The following DOCK3 variants were observed in gnomAD, a reference collection of about 807,000 sequenced individuals.
DOCK3 encodes dedicator of cytokinesis 3, also known as dedicator of cytokinesis protein 3.
A neutral mutation model predicts 265.6 loss-of-function variants in DOCK3; 60 were observed. The ratio of observed to expected loss-of-function variants is 0.23; its 90% CI spans 0.18 to 0.28. The LOEUF (loss-of-function observed/expected upper bound fraction) is 0.28. Ranked by LOEUF, DOCK3 falls within the 10% of genes least tolerant of loss-of-function variation. The pLI, the probability that DOCK3 is intolerant of heterozygous loss-of-function variation, is 1.00. For missense variants in DOCK3, 1,981 were observed against 2,594.3 expected, an observed-to-expected ratio of 0.76 and a Z score of 5.14; for synonymous variants, 881 against 938.0, an observed-to-expected ratio of 0.94 and a Z score of 1.11.
chr3:51,356,039 C>G (rs763271695), intron 41 of DOCK3, 50 bp from the exon 42 acceptor site: 1 of 1,611,258 alleles, frequency 6.2e-7, no homozygotes, highest in South Asian at 1.1e-5. Flanking sequence ...GGGTCAGCCT[C>G]TCAGGCCCAG....
chr3:51,081,674 T>C (rs929857658), intron 7 of DOCK3, among the ~76,000 whole-genome samples: 3 of 151,974 alleles, frequency 2.0e-5, no homozygotes, highest in African/African-American at 7.2e-5. Context: ...GGCAGACAGA[T>C]CACGAGGTCA....
chr3:50,859,955 G>A (rs11921930), intron 3 of DOCK3, among the ~76,000 whole-genome samples: 23,990 of 152,122 alleles, frequency 0.16, 2,284 homozygotes, highest in South Asian at 0.33. Context: ...GCTCTGTGCC[G>A]AGTGTTTATG....
chr3:50,909,164 T>A (rs2049719071), intron 4 of DOCK3, among the ~76,000 whole-genome samples: 1 of 152,096 alleles, frequency 6.6e-6, no homozygotes, highest in Non-Finnish European at 1.5e-5. Context: ...TAACTTTTTA[T>A]CCATCTTGCC....
intron 4 of DOCK3, among the ~76,000 whole-genome samples, chr3:50,922,892 T>G (rs976494281): frequency 4.6e-5 from 7 of 152,028 alleles, no homozygotes; most frequent in African/African-American, 1.4e-4. Context: ...CTGCACCCAA[T>G]TTGTTGTGTT....
At chr3:51,354,520 C>T (rs2086231463) in intron 40 of DOCK3, among the ~76,000 whole-genome samples, 1 of 152,174 alleles carries the variant, frequency 6.6e-6, no homozygotes. Context: ...CATAGATTGC[C>T]CTTCTCCACT....
intron 5 of DOCK3, among the ~76,000 whole-genome samples, chr3:50,948,137 A>G (rs1334536556): frequency 1.3e-5 from 2 of 149,092 alleles, no homozygotes; most frequent in Non-Finnish European, 3.0e-5. Context: ...GCTCACTGCA[A>G]GCTCCACCTC....
At chr3:51,230,528 G>GT (rs1357537079) in intron 19 of DOCK3, among the ~76,000 whole-genome samples, 1 of 151,544 alleles carries the variant, frequency 6.6e-6, no homozygotes. Context: ...GTTTTGTTTT[G>GT]TTTTTTTGAG....
At chr3:51,072,434 G>A (rs979968907) in intron 6 of DOCK3, among the ~76,000 whole-genome samples, 4 of 151,882 alleles carry the variant, frequency 2.6e-5, no homozygotes, top group African/African-American at 9.7e-5. Context: ...TTGAGATGGG[G>A]TCTTGCTCTG....
chr3:51,160,800 C>T, intron 12 of DOCK3, 98 bp downstream of exon 12: 1 of 1,419,828 alleles, frequency 7.0e-7, no homozygotes, highest in African/African-American at 1.4e-5. Flanking sequence ...GGACACAGGC[C>T]ACGCAGTGGC....
At chr3:51,317,140 G>A (rs7648012) in intron 32 of DOCK3, among the ~76,000 whole-genome samples, 113,307 of 151,684 alleles carry the variant, frequency 0.75, 43,278 homozygotes, top group Middle Eastern at 0.86. Context: ...TCTGTATAAG[G>A]TATGAAGGAT....
chr3:51,381,469 A>G lies in DOCK3; in HGVS notation c.6003A>G (p.Arg2001=). 6.3e-7 allele frequency: 1 copy of G among 1,596,368 alleles called. No individual in the cohort carries two copies. Among genetic ancestry groups the G allele is most frequent in the Non-Finnish European group, 8.5e-7 (1 of 1,172,168 alleles). ...TGCGTGAAGAGACTGAGAGGCCTCG[A>G]GGCCTGCACCGCAAGGCTCCATTGC... The part of the protein sequence containing the change: ...VLLREETERP[R]GLHRKAPLPP... Residue 2001 remains arginine, a synonymous_variant, in exon 53 of 53, where the codon CGA becomes CGG. Transcript: ENST00000266037. The surrounding 1 kb of genome is among the most constrained non-coding windows in gnomAD (Gnocchi z 5.6).
At chr3:50,733,790 T>TG (rs1301680743) in intron 1 of DOCK3, among the ~76,000 whole-genome samples, 3 of 151,840 alleles carry the variant, frequency 2.0e-5, no homozygotes, top group African/African-American at 7.3e-5. Context: ...GTTGTTCTAT[T>TG]TTTTTTTCTC....
chr3:51,260,266 G>T lies in DOCK3; in HGVS notation c.2295G>T (p.Gln765His). The T allele has an allele frequency of 6.2e-7, 1 of 1,613,908 alleles. No individual in the cohort carries two copies. Among genetic ancestry groups the T allele is most frequent in the Non-Finnish European group, 8.5e-7 (1 of 1,179,878 alleles). The change falls in exon 23 of 53, where the codon CAG becomes CAT. Residue 765 changes from glutamine to histidine, a missense_variant. By Grantham distance (24) the Gln-to-His change is conservative. Around this residue, in one of 4 missense-constraint regions of DOCK3, gnomAD observed 1,357 missense variants for 1,866.8 expected, o/e 0.73. Coordinates refer to ENST00000266037, the MANE Select transcript of DOCK3 (RefSeq NM_004947.5). ...QFRSSIQELF[Q>H]SIRFVLSLDS... Reference sequence around the variant, plus strand: ...GATCCAGTATCCAAGAACTTTTCCAGTCCATCCGGTTTGTGCTCAGTCTGG... The same window carrying T: ...GATCCAGTATCCAAGAACTTTTCCATTCCATCCGGTTTGTGCTCAGTCTGG...
At chr3:50,801,626 A>C (rs2043073436) in intron 2 of DOCK3, among the ~76,000 whole-genome samples, 1 of 152,230 alleles carries the variant, frequency 6.6e-6, no homozygotes, top group African/African-American at 2.4e-5. Flanking sequence ...ACATATAGTT[A>C]ATCCTGGAGA....
At chr3:51,200,536 C>G (rs1045203695) in intron 12 of DOCK3, among the ~76,000 whole-genome samples, 3 of 150,412 alleles carry the variant, frequency 2.0e-5, no homozygotes, top group Admixed American at 6.6e-5. Flanking sequence ...AAGACCAAAT[C>G]TACGTCTGAT....
intron 25 of DOCK3, among the ~76,000 whole-genome samples, chr3:51,277,130 G>A (rs146889134): frequency 8.5e-5 from 13 of 152,292 alleles, no homozygotes; most frequent in South Asian, 2.1e-4. Flanking sequence ...AGAAAACAGC[G>A]TGCTTAGAAA....
chr3:51,307,214 C>G (rs983872152), intron 27 of DOCK3, among the ~76,000 whole-genome samples: 3 of 152,108 alleles, frequency 2.0e-5, no homozygotes, highest in African/African-American at 7.2e-5. Flanking sequence ...TGCCTGGACT[C>G]AAGAAATCCT....
chr3:50,811,343 G>A (rs969834970), intron 2 of DOCK3, among the ~76,000 whole-genome samples: 3 of 152,120 alleles, frequency 2.0e-5, no homozygotes, highest in Admixed American at 6.5e-5. Context: ...GGTCAGGGCT[G>A]CAGTGAGCTA....
intron 5 of DOCK3, among the ~76,000 whole-genome samples, chr3:51,060,423 C>T (rs1399248213): frequency 1.3e-5 from 2 of 152,162 alleles, no homozygotes; most frequent in African/African-American, 2.4e-5. Context: ...TCAATTTTGG[C>T]TTCTGTTGCC....
Sources: gnomAD v4.1 joint callset for allele counts (sites outside exome capture counted in the v4.1 genomes callset) on GRCh38, gnomAD v4.1.1 for gene constraint, gnomAD v4.1.1 regional missense constraint, Gnocchi (gnomAD v3.1) non-coding constraint, MANE v1.5 for transcripts, NCBI Gene and HGNC (gene_info 2026-07-23, HGNC 2026-07-21) for gene names.